KIAA1210: variants seen among roughly 807,000 people sequenced by gnomAD.
KIAA1210 encodes the protein KIAA1210.
A neutral mutation model predicts 78.9 loss-of-function variants in KIAA1210; 48 were observed. The observed-to-expected ratio is 0.61, with a 90% CI of 0.48 to 0.77. The LOEUF is 0.77. Among genes scored for constraint, KIAA1210 ranks in the 30% least tolerant of loss-of-function variants. The pLI is 0.00. For synonymous variants in KIAA1210, 406 were observed against 404.5 expected, an observed-to-expected ratio of 1.00 and a Z score of -0.04; for missense variants, 1,108 against 1,100.0, an observed-to-expected ratio of 1.01 and a Z score of -0.10.
Position 119,085,418 on chromosome X carries a change from C to T in KIAA1210, c.4285G>A (p.Gly1429Arg). The change falls in exon 10 of 12, where the codon GGA (glycine) becomes AGA (arginine). Residue 1429 changes from glycine (G) to arginine (R), a missense_variant. By Grantham distance (125) the Gly-to-Arg change is moderately radical. Around this residue, in one of 5 missense-constraint regions of KIAA1210, gnomAD observed 245 missense variants for 278.8 expected, o/e 0.88. Coordinates refer to ENST00000691062, the MANE Select transcript of KIAA1210 (RefSeq NM_001394962.1). ...VKELKTKSNA[G>R]ADAETKEPKY... Reference sequence around the variant, plus strand: ...GGCTCCTTAGTCTCAGCATCGGCTCCAGCATTGCTCTTAGTTTTCAGCTCT... The same window carrying T: ...GGCTCCTTAGTCTCAGCATCGGCTCTAGCATTGCTCTTAGTTTTCAGCTCT... 1 of 1,211,356 alleles carries T rather than the reference C, an allele frequency of 8.3e-7. No individual in the cohort carries two copies. Among genetic ancestry groups the T allele is most frequent in the Non-Finnish European group, 1.1e-6 (1 of 895,216 alleles).
chrX:119,093,215 T>G (rs1246963647), intron 8 of KIAA1210, among the ~76,000 whole-genome samples: 1 of 112,090 alleles, frequency 8.9e-6, no homozygotes, highest in Non-Finnish European at 1.9e-5. Context: ...ACATTTTCTC[T>G]CTACAGGAAG....
chrX:119,094,165 T>A (rs1336622934), intron 7 of KIAA1210: 1 of 647,777 alleles, frequency 1.5e-6, no homozygotes, highest in African/African-American at 2.2e-5. Context: ...CCGATTTGCT[T>A]CACCAGACCT....
chrX:119,121,030 C>T (rs978475884), intron 2 of KIAA1210, among the ~76,000 whole-genome samples: 1 of 111,280 alleles, frequency 9.0e-6, no homozygotes, highest in Non-Finnish European at 1.9e-5. Context: ...CCAACACCCC[C>T]CACCCCCACT....
At chrX:119,129,394 A>C (rs936018340), upstream of KIAA1210, among the ~76,000 whole-genome samples, 87 of 111,602 alleles carry the variant, frequency 7.8e-4, no homozygotes, top group African/African-American at 2.7e-3. Context: ...GAACAAAAAT[A>C]ATGTAAAATA....
chrX:119,088,480 G>C lies in KIAA1210; in HGVS notation c.2222C>G (p.Pro741Arg). 1 of 1,210,940 alleles carries C rather than the reference G, an allele frequency of 8.3e-7. No individual in the cohort carries two copies. Among genetic ancestry groups the C allele is most frequent in the Non-Finnish European group, 1.1e-6 (1 of 895,207 alleles). ...QQLPSRCPSQ[P>R]IMNPTVQQQV... ...TTGCTGAACAGTAGGATTCATAATG[G>C]GCTGAGAAGGGCATCTGGAAGGCAG... Residue 741 changes from proline (P) to arginine (R), a missense_variant, in exon 9 of 12, where the codon CCC becomes CGC. By Grantham distance (103) the Pro-to-Arg change is moderately radical. Coordinates refer to ENST00000691062, the MANE Select transcript of KIAA1210 (RefSeq NM_001394962.1).
chrX:119,134,972 T>A (rs1049182253), intron 2 of KIAA1210, among the ~76,000 whole-genome samples: 2 of 112,479 alleles, frequency 1.8e-5, no homozygotes, highest in Admixed American at 1.9e-4. Context: ...CTGTGAAAAA[T>A]TATTTTATGT....
Position 119,123,634 on chromosome X carries a change from T to A in KIAA1210, c.9A>T (p.Glu3Asp). The change falls in exon 2 of 12, where the codon GAA becomes GAT. Residue 3 changes from glutamate to aspartate, a missense_variant. Coordinates refer to ENST00000691062, the MANE Select transcript of KIAA1210 (RefSeq NM_001394962.1). ...GACTGTCAGAAATTTCACTTAGTGA[T>A]TCAGCCATTGTAGGATGACTAAAAT... MA[E>D]SLSEISDSLD... 1 of 1,201,003 alleles carries A rather than the reference T, an allele frequency of 8.3e-7. No homozygotes were observed.
At chrX:119,092,861 C>A (rs946508680) in intron 8 of KIAA1210, among the ~76,000 whole-genome samples, 1 of 108,625 alleles carries the variant, frequency 9.2e-6, no homozygotes, top group Non-Finnish European at 1.9e-5. Flanking sequence ...CTTTTTTTTT[C>A]TGGAGGGTTT....
chrX:119,110,919 C>CTT (rs61691431), intron 3 of KIAA1210, among the ~76,000 whole-genome samples: 1 of 99,867 alleles, frequency 1.0e-5, no homozygotes, highest in African/African-American at 3.6e-5. Context: ...TTCATGCTGG[C>CTT]TTTTTTTTTT....
chrX:119,086,835 G>A lies in KIAA1210; in HGVS notation c.3867C>T (p.Asn1289=). The part of the protein sequence containing the change: ...SGDGNNNQHA[N]LSNQDDVEKL... ...TTTCAACATCATCCTGATTGGATAG[G>A]TTTGCATGCTGGTTATTATTACCAT... The change falls in exon 9 of 12, where the codon AAC becomes AAT. Residue 1289 remains asparagine, a synonymous_variant. Transcript: ENST00000691062. The A allele has an allele frequency of 8.3e-7, 1 of 1,211,443 alleles. No homozygotes were observed. The highest frequency in any genetic ancestry group is 1.1e-6 in the Non-Finnish European group (1 of 895,416).
chrX:119,087,024 T>C lies in KIAA1210; in HGVS notation c.3678A>G (p.Glu1226=), dbSNP rs1276835218. The change falls in exon 9 of 12, where the codon GAA becomes GAG. Residue 1226 remains glutamate (E), a synonymous_variant. Coordinates refer to ENST00000691062, the MANE Select transcript of KIAA1210 (RefSeq NM_001394962.1). The stretch of plus-strand genomic sequence containing the variant: ...ATTTCTTGGTTTTGATTGCAAAAGC[T>C]TCATCTCTTCCTAGGAACCAATTGT... ...NSDNWFLGRD[E]AFAIKTKKFS... is the part of the protein sequence containing the mutation. 1 of 1,211,384 alleles carries C rather than the reference T, an allele frequency of 8.3e-7. No homozygotes were observed. The highest frequency in any genetic ancestry group is 1.8e-5 in the South Asian group (1 of 56,973).
At chrX:119,125,735 A>ATTTT (rs1163974116) in intron 1 of KIAA1210, among the ~76,000 whole-genome samples, 2 of 15,792 alleles carry the variant, frequency 1.3e-4, no homozygotes, top group African/African-American at 5.2e-4. Context: ...ATATATATAT[A>ATTTT]TTTTTTTTTT....
In KIAA1210 at chrX:119,104,871, G is replaced by T. The variant is rs963570649; in HGVS notation, c.648+121C>A. ...ACCATGCAAATCAAAAGCCAAGAAT[G>T]TCAGGTCCTTCCCCAATCATCCCCC... On this transcript the variant is annotated intron_variant, in intron 6 of 11. Coordinates refer to ENST00000691062, the MANE Select transcript of KIAA1210 (RefSeq NM_001394962.1). 6 of 627,595 alleles carry T rather than the reference G, an allele frequency of 9.6e-6. No homozygotes were observed. In the Admixed American group the frequency reaches 1.9e-4, roughly 20 times the overall value. 51.7% of individuals were successfully genotyped at this position (627,595 alleles called of 1,213,427 possible). A position where few individuals can be genotyped will look rare whatever the true frequency, so the allele number is the denominator to read the frequency against.
intron 1 of KIAA1210, among the ~76,000 whole-genome samples, chrX:119,147,811 G>A (rs1365483635): frequency 9.0e-6 from 1 of 111,594 alleles, no homozygotes; most frequent in Non-Finnish European, 1.9e-5. Flanking sequence ...TACTGAAATC[G>A]GAAATGGGTT....
chrX:119,083,001 A>T lies in KIAA1210; in HGVS notation c.4426+14T>A. ...CGGGGCTGTTTTTTGAGAGGTCAGA[A>T]TGTATGCTTTTACCTGATTTTGTAG... On this transcript the variant is annotated intron_variant, in intron 11 of 11. Transcript: ENST00000691062. The T allele has an allele frequency of 4.4e-6, 5 of 1,141,763 alleles. No homozygotes were observed. The South Asian group carries it at 7.7e-5, about 18-fold the overall frequency. 94.1% of individuals were successfully genotyped at this position (1,141,763 alleles called of 1,213,427 possible).
At chrX:119,118,779 C>G (rs192592060) in intron 2 of KIAA1210, among the ~76,000 whole-genome samples, 14 of 112,423 alleles carry the variant, frequency 1.2e-4, no homozygotes, top group African/African-American at 4.5e-4. Context: ...TCTTAGCCTC[C>G]TCACTCATTC....
upstream of KIAA1210, among the ~76,000 whole-genome samples, chrX:119,130,970 G>A (rs1928775216): frequency 9.0e-6 from 1 of 111,095 alleles, no homozygotes; most frequent in Non-Finnish European, 1.9e-5. Flanking sequence ...GGTTTTGGGG[G>A]AAAAAGAGGG....
At chrX:119,145,976 A>G (rs1929157666) in intron 2 of KIAA1210, among the ~76,000 whole-genome samples, 1 of 112,381 alleles carries the variant, frequency 8.9e-6, no homozygotes, top group Non-Finnish European at 1.9e-5. Flanking sequence ...TAAGAAGCAG[A>G]TTGGTTTAAA....
rs200445656 is a variant in KIAA1210, at chrX:119,109,144, G to A, written c.289C>T (p.Pro97Ser). 2.5e-6 allele frequency: 3 copies of A among 1,204,745 alleles called. No homozygotes were observed. Among genetic ancestry groups the A allele is most frequent in the African/African-American group, 3.5e-5 (2 of 57,059 alleles). The change falls in exon 4 of 12, where the codon CCT becomes TCT. Residue 97 changes from proline to serine, a missense_variant. Around this residue, in one of 5 missense-constraint regions of KIAA1210, gnomAD observed 672 missense variants for 607.1 expected, o/e 1.11. Coordinates refer to ENST00000691062, the MANE Select transcript of KIAA1210 (RefSeq NM_001394962.1). ...LSHDSIFMLG[P>S]EPERSASKMF... ...TTACTTGCTGATCTTTCAGGCTCAGGACCCAACATGAAGATGCTATCATGG... is the reference window on the plus strand; with the variant it reads ...TTACTTGCTGATCTTTCAGGCTCAGAACCCAACATGAAGATGCTATCATGG...
Sources: gnomAD v4.1 joint callset for allele counts (sites outside exome capture counted in the v4.1 genomes callset) on GRCh38, gnomAD v4.1.1 for gene constraint, gnomAD v4.1.1 regional missense constraint, MANE v1.5 for transcripts, NCBI Gene and HGNC (gene_info 2026-07-23, HGNC 2026-07-21) for gene names.